The following CLSTN2 variants were observed in gnomAD, a reference collection of about 807,000 sequenced individuals.
CLSTN2 encodes the protein calsyntenin-2.
Under a neutral mutation model 101.2 loss-of-function variants are expected in CLSTN2, and 48 were observed. The ratio of observed to expected loss-of-function variants is 0.47; its 90% CI spans 0.38 to 0.60. The LOEUF (loss-of-function observed/expected upper bound fraction) is 0.60, where lower values mean the gene tolerates loss of function less well. Ranked by LOEUF, CLSTN2 falls within the 20% of genes least tolerant of loss-of-function variation. CLSTN2 has a pLI of 0.00. For missense variants in CLSTN2, 1,160 were observed against 1,238.2 expected (o/e 0.94, Z 0.95); for synonymous variants, 481 against 463.6 (o/e 1.04, Z -0.48).
At chr3:140,539,671 C>T (rs887389180) in intron 9 of CLSTN2, among the ~76,000 whole-genome samples, 11 of 152,196 alleles carry the variant, frequency 7.2e-5, no homozygotes, top group Admixed American at 2.0e-4. Context: ...GAGTTGTACG[C>T]AGCCAGTGCA....
intron 2 of CLSTN2, among the ~76,000 whole-genome samples, chr3:140,182,873 C>T (rs868464353): frequency 2.0e-5 from 3 of 152,186 alleles, no homozygotes; most frequent in East Asian, 1.9e-4. Context: ...CACAGCTCCT[C>T]CTGTGCTGAG....
intron 1 of CLSTN2, among the ~76,000 whole-genome samples, chr3:139,977,627 T>C (rs1406568514): frequency 6.6e-6 from 1 of 152,092 alleles, no homozygotes; most frequent in African/African-American, 2.4e-5. Context: ...CTTTGGACCA[T>C]TTCTGGGACG....
At chr3:140,242,048 G>C (rs9880587) in intron 2 of CLSTN2, among the ~76,000 whole-genome samples, 147,717 of 151,920 alleles carry the variant, frequency 0.97, 71,922 homozygotes, top group East Asian at 1. Context: ...GCTGGGATTA[G>C]AGGCGCCCGC....
chr3:140,033,362 G>A (rs1407256076), intron 1 of CLSTN2, among the ~76,000 whole-genome samples: 7 of 152,312 alleles, frequency 4.6e-5, no homozygotes, highest in Admixed American at 4.6e-4. Context: ...CTTATGCCAG[G>A]TGCTGGCTTT....
Position 140,563,110 on chromosome 3 carries a change from GA to G in CLSTN2, c.2390del (p.Asp797ValfsTer8). On this transcript the variant is annotated frameshift_variant, in exon 15 of 17. Coordinates refer to ENST00000458420, the MANE Select transcript of CLSTN2 (RefSeq NM_022131.3). LOFTEE classifies it high-confidence loss of function. ...VSILHEDQVS[D>X]KEHVNHLIVQ... is the part of the protein sequence containing the mutation. ...CATCCTTCATGAAGACCAAGTCTCA[GA>G]TAAGGAGCATGTCAATCATCTGATT... 6.2e-7 allele frequency: 1 copy of G among 1,614,102 alleles called. No homozygotes were observed. The highest frequency in any genetic ancestry group is 8.5e-7 in the Non-Finnish European group (1 of 1,179,988).
chr3:140,038,561 T>C (rs1243865209), intron 1 of CLSTN2, among the ~76,000 whole-genome samples: 2 of 152,198 alleles, frequency 1.3e-5, no homozygotes, highest in African/African-American at 4.8e-5. Flanking sequence ...ACCCCATTTA[T>C]CAATTTTTGC....
At chr3:140,162,735 A>G (rs984751435) in intron 1 of CLSTN2, among the ~76,000 whole-genome samples, 1 of 152,188 alleles carries the variant, frequency 6.6e-6, no homozygotes, top group African/African-American at 2.4e-5. Flanking sequence ...AATAACAAGC[A>G]AAATTGGCCT....
rs923522493 is a variant in CLSTN2 at position 140,077,647 on chromosome 3, C to T, written c.110-98304C>T. On this transcript the variant is annotated intron_variant, in intron 1 of 16. Transcript: ENST00000458420. ...TGCCTACAAAACCCCATTGTGCCTG[C>T]GGTGAAAGAGGTCTTCTCAGTTTCC... Among the ~76,000 whole-genome samples, 62 of 151,426 alleles carry T rather than the reference C, an allele frequency of 4.1e-4. 1 individual carries two copies. Among genetic ancestry groups the T allele is most frequent in the Non-Finnish European group, 7.8e-4 (53 of 67,886 alleles).
chr3:139,956,695 T>C (rs1935407787), intron 1 of CLSTN2, among the ~76,000 whole-genome samples: 1 of 152,180 alleles, frequency 6.6e-6, no homozygotes, highest in Non-Finnish European at 1.5e-5. Context: ...AGGTTAAAGC[T>C]ATTGGATAAG....
intron 2 of CLSTN2, among the ~76,000 whole-genome samples, chr3:140,178,734 C>G (rs1034059018): frequency 3.9e-5 from 6 of 152,108 alleles, no homozygotes; most frequent in African/African-American, 1.4e-4. Context: ...AAGAAAATAC[C>G]GAAGATTTAT....
intron 2 of CLSTN2, among the ~76,000 whole-genome samples, chr3:140,309,291 G>A (rs1051988777): frequency 6.6e-6 from 1 of 152,146 alleles, no homozygotes; most frequent in African/African-American, 2.4e-5. Context: ...AGACAGAGGG[G>A]CAGTGAAGGA....
chr3:140,274,041 G>A (rs1239276664), intron 2 of CLSTN2, among the ~76,000 whole-genome samples: 2 of 152,142 alleles, frequency 1.3e-5, no homozygotes, highest in Non-Finnish European at 2.9e-5. Flanking sequence ...CCGGCTCCAG[G>A]GAAAGAGCCA....
chr3:139,956,234 G>A (rs1465139358), intron 1 of CLSTN2, among the ~76,000 whole-genome samples: 1 of 152,114 alleles, frequency 6.6e-6, no homozygotes. Flanking sequence ...CCTCCCACTT[G>A]GTAACATGTT....
intron 2 of CLSTN2, among the ~76,000 whole-genome samples, chr3:140,225,567 G>A (rs560208709): frequency 6.6e-6 from 1 of 152,144 alleles, no homozygotes; most frequent in African/African-American, 2.4e-5. Flanking sequence ...GCGCGATATC[G>A]GCTCACTGCA....
At chr3:140,390,148 A>T (rs979442804) in intron 2 of CLSTN2, among the ~76,000 whole-genome samples, 1 of 151,430 alleles carries the variant, frequency 6.6e-6, no homozygotes, top group Non-Finnish European at 1.5e-5. Context: ...AAATATGATA[A>T]TAAGTTTTGT....
chr3:140,221,411 A>T (rs1277264113), intron 2 of CLSTN2, among the ~76,000 whole-genome samples: 1 of 152,136 alleles, frequency 6.6e-6, no homozygotes, highest in East Asian at 1.9e-4. Context: ...TTACATTTTT[A>T]AATTCTAAAA....
intron 1 of CLSTN2, among the ~76,000 whole-genome samples, chr3:140,141,804 C>T (rs745882421): frequency 1.6e-4 from 25 of 152,286 alleles, no homozygotes; most frequent in Middle Eastern, 3.4e-3. Flanking sequence ...TGCTTACCAC[C>T]TGAGGATGAG....
At chr3:140,131,663 G>A (rs1360472294) in intron 1 of CLSTN2, among the ~76,000 whole-genome samples, 1 of 152,056 alleles carries the variant, frequency 6.6e-6, no homozygotes, top group Non-Finnish European at 1.5e-5. Context: ...AATGGTAGTT[G>A]TGTGAGAGGA....
At position 140,486,269 on chromosome 3, in the gene CLSTN2, T is replaced by C. The variant is rs1314422456; in HGVS notation, c.1344+19538T>C. Among the ~76,000 whole-genome samples the C allele has an allele frequency of 3.5e-5, 4 of 113,840 alleles. No individual in the cohort carries two copies. In the East Asian group the frequency reaches 8.8e-4, roughly 25 times the overall value. 74.7% of individuals were successfully genotyped at this position (113,840 alleles called of 152,430 possible). A position where few individuals can be genotyped will look rare whatever the true frequency, so the allele number is the denominator to read the frequency against. On this transcript the variant is annotated intron_variant, in intron 8 of 16. Coordinates refer to ENST00000458420, the MANE Select transcript of CLSTN2 (RefSeq NM_022131.3). ...GATATCAGAATGAAAAACAGATTCA[T>C]AGGAAAGAAAGAGCATTGGAAATGG...
Sources: allele counts gnomAD v4.1 joint callset (sites outside exome capture counted in the v4.1 genomes callset), GRCh38; gene constraint gnomAD v4.1.1; transcripts MANE v1.5; gene names NCBI Gene and HGNC (gene_info 2026-07-23, HGNC 2026-07-21).